The following DACT3 variants were observed in gnomAD, a reference collection of about 807,000 sequenced individuals.
DACT3 encodes the protein dapper homolog 3.
A neutral mutation model predicts 19.6 loss-of-function variants in DACT3; 5 were observed. The observed-to-expected ratio is 0.26, with a 90% CI of 0.13 to 0.54. DACT3 has a LOEUF of 0.54. DACT3 is among the 20% of genes least tolerant of loss of function. DACT3 has a pLI of 0.95. For missense variants in DACT3, 908 were observed against 927.4 expected (o/e 0.98, Z 0.27); for synonymous variants, 454 against 428.1 (o/e 1.06, Z -0.75).
intron 1 of DACT3, among the ~76,000 whole-genome samples, chr19:46,653,623 A>T (rs1599790847): frequency 6.6e-6 from 1 of 151,604 alleles, no homozygotes; most frequent in East Asian, 1.9e-4. Flanking sequence ...GCGTGATCCC[A>T]GCTCACTGCA....
chr19:46,653,492 C>T (rs1322871604), intron 1 of DACT3, among the ~76,000 whole-genome samples: 4 of 151,920 alleles, frequency 2.6e-5, no homozygotes, highest in Non-Finnish European at 1.5e-5. Flanking sequence ...ACCCCCAGAT[C>T]CCTTAGTCAT....
chr19:46,649,640 G>C lies in DACT3; in HGVS notation c.732C>G (p.Gly244=). ...RPPTDSPDAG[G]AGRPLDGYIS... is the part of the protein sequence containing the mutation. ...TGTAGCCGTCCAGGGGCCGCCCTGC[G>C]CCCCCCGCGTCGGGCGAGTCGGTGG... Residue 244 remains glycine, a synonymous_variant, in exon 4 of 4, where the codon GGC becomes GGG. Transcript: ENST00000391916. The C allele has an allele frequency of 8.7e-7, 1 of 1,144,294 alleles. No individual in the cohort carries two copies. The highest frequency in any genetic ancestry group is 3.9e-5 in the South Asian group (1 of 25,880). The allele number at this position is 1,144,294 out of a possible 1,614,324, so 70.9% of individuals were successfully genotyped here.
chr19:46,655,466 A>G (rs905352806), intron 1 of DACT3, among the ~76,000 whole-genome samples: 1 of 152,046 alleles, frequency 6.6e-6, no homozygotes, highest in African/African-American at 2.4e-5. Flanking sequence ...TACAAAAAAT[A>G]GCCAGGTGTG....
chr19:46,656,118 T>TCA (rs2053032668), intron 1 of DACT3, among the ~76,000 whole-genome samples: 1 of 150,066 alleles, frequency 6.7e-6, no homozygotes, highest in Non-Finnish European at 1.5e-5. Context: ...TGGAGTGCAG[T>TCA]GGTGCAGCCT....
At chr19:46,654,519 C>T in intron 1 of DACT3, 1 of 975,260 alleles carries the variant, frequency 1.0e-6, no homozygotes, top group South Asian at 4.7e-5. Flanking sequence ...AAGAAATTTC[C>T]ATGAGTCTAC....
chr19:46,655,901 G>GTCTCTC (rs140521907), intron 1 of DACT3, among the ~76,000 whole-genome samples: 11,979 of 131,298 alleles, frequency 0.091, 730 homozygotes, highest in East Asian at 0.25. Flanking sequence ...GTGAGACCCA[G>GTCTCTC]TCTCTCTCTC....
chr19:46,660,978 C>T lies in DACT3; in HGVS notation c.87G>A (p.Glu29=). 6.5e-7 allele frequency: 1 copy of T among 1,539,716 alleles called. No homozygotes were observed. The highest frequency in any genetic ancestry group is 8.7e-7 in the Non-Finnish European group (1 of 1,145,722). The change falls in exon 1 of 4, where the codon GAG becomes GAA. Residue 29 remains glutamate, a synonymous_variant. Transcript: ENST00000391916. This position sits in a 1 kb window ranked among gnomAD's most constrained non-coding sequence, Gnocchi z 4.9. ...CCTGCCTCTCCCGGAGCCAATGTAA[C>T]TCGCAGAGCCCGGCCAGGCTACCCT... ...WLEGSLAGLC[E]LHWLRERQEY...
rs969574185 is a variant in DACT3, at chr19:46,649,085, G to C, written c.1287C>G (p.Ser429Arg). The stretch of plus-strand genomic sequence containing the variant: ...GGACCGCGGAGGCGCGGCCCAGCAG[G>C]CTGGTCTCAGACTGGGAGCGCGAGG... Reference protein sequence around the residue: ...RKASRSQSETSLLGRASAVPS... With the variant: ...RKASRSQSETRLLGRASAVPS... The change falls in exon 4 of 4, where the codon AGC (serine) becomes AGG (arginine). Residue 429 changes from serine to arginine, a missense_variant. By Grantham distance (110) the Ser-to-Arg change is moderately radical. Coordinates refer to ENST00000391916, the MANE Select transcript of DACT3 (RefSeq NM_145056.3). 1 of 1,297,854 alleles carries C rather than the reference G, an allele frequency of 7.7e-7. No individual in the cohort carries two copies. Among genetic ancestry groups the C allele is most frequent in the Non-Finnish European group, 9.8e-7 (1 of 1,025,092 alleles). The allele number at this position is 1,297,854 out of a possible 1,614,324, so 80.4% of individuals were successfully genotyped here.
At chr19:46,654,092 G>A (rs2053012255) in intron 1 of DACT3, 1 of 985,216 alleles carries the variant, frequency 1.0e-6, no homozygotes, top group African/African-American at 1.7e-5. Flanking sequence ...AGCCATCCCA[G>A]CACGTTCCTT....
intron 1 of DACT3, among the ~76,000 whole-genome samples, chr19:46,656,575 C>A (rs2122474609): frequency 6.6e-6 from 1 of 152,242 alleles, no homozygotes; most frequent in East Asian, 1.9e-4. Context: ...GTCTCGAACT[C>A]CTGGGCTTGA....
In DACT3 at chr19:46,649,495, A is replaced by C. The variant is rs2052957780; in HGVS notation, c.877T>G (p.Ser293Ala). 1 of 1,117,174 alleles carries C rather than the reference A, an allele frequency of 9.0e-7. No homozygotes were observed. The allele number at this position is 1,117,174 out of a possible 1,614,324, so 69.2% of individuals were successfully genotyped here. A position where few individuals can be genotyped will look rare whatever the true frequency, so the allele number is the denominator to read the frequency against. ...NSVRQRPPDA[S>A]PSPGSARPAR... ...GGTCGCGCGCTGCCGGGGGACGGAG[A>C]CGCGTCGGGCGGCCGCTGGCGCACG... Residue 293 changes from serine (S) to alanine (A), a missense_variant, in exon 4 of 4, where the codon TCT (serine) becomes GCT (alanine). Coordinates refer to ENST00000391916, the MANE Select transcript of DACT3 (RefSeq NM_145056.3).
chr19:46,649,210 C>A lies in DACT3; in HGVS notation c.1162G>T (p.Val388Leu), dbSNP rs1455286760. 8.3e-7 allele frequency: 1 copy of A among 1,200,886 alleles called. No homozygotes were observed. Among genetic ancestry groups the A allele is most frequent in the Non-Finnish European group, 1.0e-6 (1 of 970,298 alleles). 74.4% of individuals were successfully genotyped at this position (1,200,886 alleles called of 1,614,324 possible). ...KPPPLTRGRS[V>L]EQSPPRERPR... is the part of the protein sequence containing the mutation. The stretch of plus-strand genomic sequence containing the variant: ...CGCTCCCGGGGTGGTGACTGCTCCA[C>A]GCTGCGGCCGCGGGTCAGTGGCGGC... Residue 388 changes from valine to leucine, a missense_variant, in exon 4 of 4, where the codon GTG becomes TTG. Val to Leu is a conservative substitution (Grantham distance 32). This residue lies in a region of DACT3 where 656 missense variants were observed against 601.8 expected (regional missense o/e 1.09). Coordinates refer to ENST00000391916, the MANE Select transcript of DACT3 (RefSeq NM_145056.3).
In DACT3 at chr19:46,648,759, G is replaced by A. The variant is rs1254153036; in HGVS notation, c.1613C>T (p.Ala538Val). Residue 538 changes from alanine to valine, a missense_variant, in exon 4 of 4, where the codon GCG becomes GTG. Physicochemically the swap from Ala to Val is moderately conservative, Grantham distance 64 (BLOSUM62 0). This residue lies in a region of DACT3 where 656 missense variants were observed against 601.8 expected (regional missense o/e 1.09). Coordinates refer to ENST00000391916, the MANE Select transcript of DACT3 (RefSeq NM_145056.3). The surrounding 1 kb of genome is among the most constrained non-coding windows in gnomAD (Gnocchi z 5.1). ...RLGPLGRRGP[A>V]GGVGGGYGES... ...CCCGTAACCCCCGCCGACGCCTCCC[G>A]CAGGCCCCCGGCGTCCCAGGGGCCC... 1.3e-6 allele frequency: 2 copies of A among 1,567,218 alleles called. No homozygotes were observed. The highest frequency in any genetic ancestry group is 2.3e-5 in the East Asian group (1 of 42,890).
At chr19:46,659,373 A>C in intron 1 of DACT3, 2 of 963,474 alleles carry the variant, frequency 2.1e-6, no homozygotes, top group Non-Finnish European at 2.5e-6. Flanking sequence ...TGAAAAGGGG[A>C]GAGACCGAGG....
At chr19:46,659,507 C>T in intron 1 of DACT3, 18 of 984,704 alleles carry the variant, frequency 1.8e-5, no homozygotes, top group Non-Finnish European at 2.0e-5. Context: ...TAGCGAAGGC[C>T]CCCACAATCC....
At chr19:46,657,273 C>T (rs1599793152) in intron 1 of DACT3, among the ~76,000 whole-genome samples, 1 of 150,294 alleles carries the variant, frequency 6.7e-6, no homozygotes, top group East Asian at 2.0e-4. Flanking sequence ...CTCTGGGCTT[C>T]AGTTTCCTTA....
In DACT3 at chr19:46,649,106, C is replaced by G; in HGVS notation, c.1266G>C (p.Ser422=). The G allele has an allele frequency of 7.7e-7, 1 of 1,294,184 alleles. No individual in the cohort carries two copies. Among genetic ancestry groups the G allele is most frequent in the Non-Finnish European group, 9.8e-7 (1 of 1,022,438 alleles). 80.2% of individuals were successfully genotyped at this position (1,294,184 alleles called of 1,614,324 possible). ...GCAGGCTGGTCTCAGACTGGGAGCG[C>G]GAGGCCTTGCGGGCCCTGGGCGAGC... ...RRGSPRARKA[S]RSQSETSLLG... is the part of the protein sequence containing the mutation. Residue 422 remains serine, a synonymous_variant, in exon 4 of 4, where the codon TCG becomes TCC. Transcript: ENST00000391916.
rs1209140951 is a variant in DACT3 at position 46,649,465 on chromosome 19, G to C, written c.907C>G (p.Arg303Gly). ...SPSPGSARPA[R>G]EPSLERVGGH... ...CCGACGCGCTCCAACGAGGGCTCCC[G>C]CGCGGGTCGCGCGCTGCCGGGGGAC... is the stretch of plus-strand genomic sequence containing the variant. Residue 303 changes from arginine (R) to glycine (G), a missense_variant, in exon 4 of 4, where the codon CGG becomes GGG. Around this residue, in one of 2 missense-constraint regions of DACT3, gnomAD observed 656 missense variants for 601.8 expected, o/e 1.09. Transcript: ENST00000391916. 4.3e-6 allele frequency: 5 copies of C among 1,170,520 alleles called. No individual in the cohort carries two copies. Among genetic ancestry groups the C allele is most frequent in the Non-Finnish European group, 5.3e-6 (5 of 948,648 alleles). The allele number at this position is 1,170,520 out of a possible 1,614,324, so 72.5% of individuals were successfully genotyped here. A position where few individuals can be genotyped will look rare whatever the true frequency, so the allele number is the denominator to read the frequency against.
rs1302981306 is a variant in DACT3, at chr19:46,649,175, G to A, written c.1197C>T (p.Ala399=). Residue 399 remains alanine (A), a synonymous_variant, in exon 4 of 4, where the codon GCC becomes GCT. Transcript: ENST00000391916. ...CGGCCATGCGTCCACGGCGGCCGGC[G>A]GCCCGGGGACGCTCCCGGGGTGGTG... The part of the protein sequence containing the change: ...EQSPPRERPR[A]AGRRGRMAEA... 40 of 1,216,756 alleles carry A rather than the reference G, an allele frequency of 3.3e-5. No homozygotes were observed. The highest frequency in any genetic ancestry group is 4.0e-5 in the Non-Finnish European group (39 of 978,774). The allele number at this position is 1,216,756 out of a possible 1,614,324, so 75.4% of individuals were successfully genotyped here.
Sources: gnomAD v4.1 joint callset for allele counts (sites outside exome capture counted in the v4.1 genomes callset) on GRCh38, gnomAD v4.1.1 for gene constraint, gnomAD v4.1.1 regional missense constraint, Gnocchi (gnomAD v3.1) non-coding constraint, MANE v1.5 for transcripts, NCBI Gene and HGNC (gene_info 2026-07-23, HGNC 2026-07-21) for gene names.